The following MAMDC2 variants were observed in gnomAD, a reference collection of about 807,000 sequenced individuals.
The protein encoded by MAMDC2 is MAM domain containing 2.
Under a neutral mutation model 89.8 loss-of-function variants are expected in MAMDC2, and 57 were observed. That is an observed-to-expected ratio of 0.63 (90% CI 0.51 to 0.79). The LOEUF (loss-of-function observed/expected upper bound fraction) is 0.79. Among genes scored for constraint, MAMDC2 ranks in the 30% least tolerant of loss-of-function variants. MAMDC2 has a pLI of 0.00. For missense variants in MAMDC2, 800 were observed against 820.6 expected, an observed-to-expected ratio of 0.97 and a Z score of 0.31; for synonymous variants, 313 against 293.4, an observed-to-expected ratio of 1.07 and a Z score of -0.68.
intron 5 of MAMDC2, among the ~76,000 whole-genome samples, chr9:70,122,781 G>A (rs1382326792): frequency 6.6e-6 from 1 of 151,776 alleles, no homozygotes; most frequent in African/African-American, 2.4e-5. Context: ...TTTTTTTTAT[G>A]GAGGAATGAG....
intron 11 of MAMDC2, among the ~76,000 whole-genome samples, chr9:70,183,425 T>C (rs950842799): frequency 1.3e-5 from 2 of 152,188 alleles, no homozygotes; most frequent in African/African-American, 4.8e-5. Context: ...GTCTCATTGA[T>C]CTAATACTGA....
At chr9:70,102,344 C>T (rs2975872) in intron 2 of MAMDC2, among the ~76,000 whole-genome samples, 9,750 of 152,158 alleles carry the variant, frequency 0.064, 992 homozygotes, top group African/African-American at 0.21. Flanking sequence ...ACCTGAAGGA[C>T]GGGGCATTCG....
intron 9 of MAMDC2, among the ~76,000 whole-genome samples, chr9:70,159,580 G>C (rs1164045848): frequency 2.0e-5 from 3 of 152,114 alleles, no homozygotes; most frequent in African/African-American, 7.2e-5. Flanking sequence ...GCCCAGGAGG[G>C]GTTCATCTAG....
At chr9:70,190,551 T>A (rs555164568) in intron 11 of MAMDC2, among the ~76,000 whole-genome samples, 1 of 121,178 alleles carries the variant, frequency 8.3e-6, no homozygotes, top group South Asian at 2.8e-4. Flanking sequence ...AGATTAGGAG[T>A]TTCTCAGTTT....
intron 11 of MAMDC2, among the ~76,000 whole-genome samples, chr9:70,190,920 G>C (rs1247862562): frequency 6.6e-6 from 1 of 152,092 alleles, no homozygotes; most frequent in East Asian, 1.9e-4. Context: ...GGGGCTTTTA[G>C]GGAGCTCCAA....
chr9:70,057,651 G>A (rs533419152), intron 2 of MAMDC2, among the ~76,000 whole-genome samples: 125 of 152,266 alleles, frequency 8.2e-4, no homozygotes, highest in Non-Finnish European at 1.6e-4. Flanking sequence ...TATTAGCCTA[G>A]TAGTCTAAGA....
intron 11 of MAMDC2, among the ~76,000 whole-genome samples, chr9:70,171,502 A>G (rs2032346522): frequency 6.6e-6 from 1 of 152,150 alleles, no homozygotes; most frequent in Admixed American, 6.6e-5. Flanking sequence ...CTGTCTCGAA[A>G]AAAATAAATA....
At chr9:70,126,768 A>G (rs916131181) in intron 6 of MAMDC2, among the ~76,000 whole-genome samples, 1 of 151,754 alleles carries the variant, frequency 6.6e-6, no homozygotes, top group Non-Finnish European at 1.5e-5. Context: ...AGTAAAACTC[A>G]GTCTTGAGCT....
Position 70,218,402 on chromosome 9 carries a change from C to A in MAMDC2, c.1717C>A (p.Pro573Thr), listed in dbSNP as rs2033489206. ...YGQKARLLSRPLRGVSGKHCL... is the reference protein window; with the variant it reads ...YGQKARLLSRTLRGVSGKHCL... ...ACAAAAAGCACGCCTCTTGTCCAGG[C>A]CTCTGCGAGGAGTCTCTGGAAAACA... Residue 573 changes from proline to threonine, a missense_variant, in exon 12 of 14, where the codon CCT becomes ACT. Transcript: ENST00000377182. 1.2e-6 allele frequency: 2 copies of A among 1,614,156 alleles called. No homozygotes were observed. The highest frequency in any genetic ancestry group is 1.7e-6 in the Non-Finnish European group (2 of 1,180,010).
intron 11 of MAMDC2, among the ~76,000 whole-genome samples, chr9:70,182,934 T>C (rs1053493359): frequency 6.6e-6 from 1 of 152,212 alleles, no homozygotes; most frequent in Admixed American, 6.5e-5. Flanking sequence ...CTTTTAATTG[T>C]GATGTTAGGG....
At chr9:70,127,691 C>CAA (rs797014380) in intron 6 of MAMDC2, among the ~76,000 whole-genome samples, 1 of 143,380 alleles carries the variant, frequency 7.0e-6, no homozygotes, top group African/African-American at 2.6e-5. Flanking sequence ...CCTCCCCCCA[C>CAA]AAAAAAAAAA....
At chr9:70,106,586 A>C (rs1828347952) in intron 2 of MAMDC2, among the ~76,000 whole-genome samples, 1 of 152,196 alleles carries the variant, frequency 6.6e-6, no homozygotes, top group South Asian at 2.1e-4. Context: ...TCACCTTGGA[A>C]ATGCACGTGA....
chr9:70,083,584 G>C (rs1474958790), intron 2 of MAMDC2: 1 of 152,034 alleles, frequency 6.6e-6, no homozygotes, highest in Non-Finnish European at 1.5e-5. Flanking sequence ...TGAAGAGAAG[G>C]ATGGCACTTC....
chr9:70,051,900 T>TAGATAGAC (rs1826910292), intron 2 of MAMDC2, among the ~76,000 whole-genome samples: 1 of 151,646 alleles, frequency 6.6e-6, no homozygotes, highest in Non-Finnish European at 1.5e-5. Context: ...GATAGATAGA[T>TAGATAGAC]AGATAGATAG....
intron 2 of MAMDC2, among the ~76,000 whole-genome samples, chr9:70,095,181 T>C (rs573695289): frequency 5.3e-5 from 8 of 152,146 alleles, no homozygotes; most frequent in African/African-American, 1.9e-4. Context: ...GAAAAGGGTG[T>C]GGTTAAATAT....
intron 2 of MAMDC2, among the ~76,000 whole-genome samples, chr9:70,095,480 A>C (rs1229745276): frequency 1.3e-5 from 2 of 152,188 alleles, no homozygotes; most frequent in Non-Finnish European, 2.9e-5. Context: ...GATTGATAGA[A>C]TTTTGGAGGG....
intron 10 of MAMDC2, chr9:70,170,276 C>T (rs957215782): frequency 6.6e-6 from 3 of 456,848 alleles, no homozygotes; most frequent in Middle Eastern, 5.5e-4. Context: ...TCTGATTGTT[C>T]TCTATGTCTG....
chr9:70,135,374 G>A (rs1378685540), intron 7 of MAMDC2, among the ~76,000 whole-genome samples: 1 of 152,068 alleles, frequency 6.6e-6, no homozygotes, highest in Non-Finnish European at 1.5e-5. Flanking sequence ...TCAGGTCACA[G>A]ACAGGCCTCT....
chr9:70,082,585 G>C (rs1278523890), intron 2 of MAMDC2: 1 of 152,062 alleles, frequency 6.6e-6, no homozygotes. Flanking sequence ...ACCTCTGCAA[G>C]ACTATTGGGG....
Sources: allele counts gnomAD v4.1 joint callset (sites outside exome capture counted in the v4.1 genomes callset), GRCh38; gene constraint gnomAD v4.1.1; transcripts MANE v1.5; gene names NCBI Gene and HGNC (gene_info 2026-07-23, HGNC 2026-07-21).